Variants in ABCB4 observed in about 807,000 individuals in gnomAD.
ABCB4 encodes ATP binding cassette subfamily B member 4.
A neutral mutation model predicts 145.7 loss-of-function variants in ABCB4; 76 were observed. The ratio of observed to expected loss-of-function variants is 0.52; its 90% CI spans 0.43 to 0.63. The LOEUF is 0.63. Among genes scored for constraint, ABCB4 ranks in the 30% least tolerant of loss-of-function variants. The probability of loss-of-function intolerance (pLI) is 0.00; values close to 1 mark genes in which losing one functional copy is unlikely to be tolerated. For missense variants in ABCB4, 1,234 were observed against 1,553.1 expected (o/e 0.79, Z 3.45); for synonymous variants, 517 against 566.8 (o/e 0.91, Z 1.25).
Position 87,426,767 on chromosome 7 carries a change from C to T in ABCB4, c.2047G>A (p.Val683Met), listed in dbSNP as rs776616540. ...NSQMCQKSLD[V>M]ETDGLEANVP... ...CAACTTACAAGTCCATCGGTTTCCA[C>T]ATCAAGGCTCTTCTGACACATTTGT... is the stretch of plus-strand genomic sequence containing the variant. Residue 683 changes from valine to methionine, a missense_variant, in exon 16 of 28, where the codon GTG becomes ATG. Physicochemically the swap from Val to Met is conservative, Grantham distance 21 (BLOSUM62 1). Transcript: ENST00000649586. The T allele has an allele frequency of 5.9e-5, 95 of 1,613,858 alleles. No individual in the cohort carries two copies. The Admixed American group carries it at 1.5e-3, about 25-fold the overall frequency.
chr7:87,392,292 G>C, the ABCB4 span, among the ~76,000 whole-genome samples: 17 of 152,084 alleles, frequency 1.1e-4, no homozygotes, highest in South Asian at 3.1e-3. Flanking sequence ...TTGAAATATC[G>C]GTTGCTTTTA....
At chr7:87,457,920 A>G (rs976292003) in intron 4 of ABCB4, among the ~76,000 whole-genome samples, 1 of 152,204 alleles carries the variant, frequency 6.6e-6, no homozygotes, top group Non-Finnish European at 1.5e-5. Flanking sequence ...AAAGAGAGGT[A>G]TCCATCACCT....
At chr7:87,382,205 A>G in the ABCB4 span, 1 of 1,553,922 alleles carries the variant, frequency 6.4e-7, no homozygotes, top group Non-Finnish European at 8.8e-7. Flanking sequence ...TTTTCTCTTA[A>G]ATAATAATGA....
chr7:87,468,704 G>A (rs573700544), intron 3 of ABCB4, among the ~76,000 whole-genome samples: 8 of 152,116 alleles, frequency 5.3e-5, no homozygotes, highest in Admixed American at 6.5e-5. Context: ...AGGCTGAGGC[G>A]GGCGGATCAC....
chr7:87,447,066 A>G lies in ABCB4; in HGVS notation c.973T>C (p.Ser325Pro), dbSNP rs1328206536. 6.2e-7 allele frequency: 1 copy of G among 1,613,552 alleles called. No homozygotes were observed. Among genetic ancestry groups the G allele is most frequent in the East Asian group, 2.2e-5 (1 of 44,868 alleles). ...GCATTTCCAATAGTATATTCTTTTG[A>G]TATGACTAGAGTGGATCCATACCAG... ...AFWYGSTLVISKEYTIGNAMT... is the reference protein window; with the variant it reads ...AFWYGSTLVIPKEYTIGNAMT... Residue 325 changes from serine (S) to proline (P), a missense_variant, in exon 9 of 28, where the codon TCA becomes CCA. Transcript: ENST00000649586.
intron 2 of ABCB4, among the ~76,000 whole-genome samples, chr7:87,473,553 C>T (rs1454582418): frequency 6.6e-6 from 1 of 152,196 alleles, no homozygotes; most frequent in Non-Finnish European, 1.5e-5. Context: ...CTACCCTAAC[C>T]ACCCTACTTA....
intron 9 of ABCB4, among the ~76,000 whole-genome samples, 191 bp from the exon 10 acceptor site, chr7:87,445,166 A>C (rs1811263850): frequency 6.6e-6 from 1 of 152,142 alleles, no homozygotes; most frequent in South Asian, 2.1e-4. Context: ...TATTTTCTCA[A>C]ACTACCTATT....
intron 27 of ABCB4, 72 bp downstream of exon 27, chr7:87,403,063 T>C (rs773605663): frequency 5.2e-6 from 8 of 1,534,054 alleles, no homozygotes; most frequent in Non-Finnish European, 7.2e-6. Flanking sequence ...TGTGTGTTTT[T>C]TTCATGGTTG....
the ABCB4 span, among the ~76,000 whole-genome samples, chr7:87,373,546 A>T: frequency 5.0e-3 from 753 of 151,938 alleles, 18 homozygotes; most frequent in Admixed American, 0.039. Flanking sequence ...AGATCTTTTT[A>T]AAAAAAATTG....
rs1458045354 is a variant in ABCB4 at position 87,439,732 on chromosome 7, G to C, written c.1666C>G (p.Leu556Val). 1 of 1,614,164 alleles carries C rather than the reference G, an allele frequency of 6.2e-7. No individual in the cohort carries two copies. The highest frequency in any genetic ancestry group is 1.7e-5 in the Admixed American group (1 of 60,020). The change falls in exon 14 of 28, where the codon CTG becomes GTG. Residue 556 changes from leucine (L) to valine (V), a missense_variant. Around this residue, in one of 7 missense-constraint regions of ABCB4, gnomAD observed 467 missense variants for 632.8 expected, o/e 0.74. Transcript: ENST00000649586. ...TCCAATGCTGACGTGGCCTCATCCA[G>C]CAGAAGGATCTTGGGGTTGCGAACC... is the stretch of plus-strand genomic sequence containing the variant. The part of the protein sequence containing the change: ...ALVRNPKILL[L>V]DEATSALDTE...
At chr7:87,372,007 C>A in the ABCB4 span, among the ~76,000 whole-genome samples, 13,360 of 121,424 alleles carry the variant, frequency 0.11, 702 homozygotes, top group Non-Finnish European at 0.16. Context: ...AAAAAAAAAA[C>A]AAAAAAAAAA....
intron 18 of ABCB4, among the ~76,000 whole-genome samples, chr7:87,420,892 C>T (rs1454354700): frequency 6.6e-6 from 1 of 152,140 alleles, no homozygotes; most frequent in Non-Finnish European, 1.5e-5. Flanking sequence ...CAGTGTGTTC[C>T]TACTACTTCC....
At chr7:87,443,863 G>C in intron 10 of ABCB4, 90 bp from the exon 11 acceptor site, 2 of 925,116 alleles carry the variant, frequency 2.2e-6, no homozygotes, top group Non-Finnish European at 3.5e-6. Context: ...CCAAAAATAG[G>C]ACCTGGAATG....
chr7:87,398,017 A>C (rs1807598274), downstream of ABCB4, among the ~76,000 whole-genome samples: 2 of 152,018 alleles, frequency 1.3e-5, no homozygotes, highest in African/African-American at 4.8e-5. Flanking sequence ...TATCTCGAGA[A>C]AGATGGTGGA....
chr7:87,467,177 T>C (rs1410884495), intron 3 of ABCB4, among the ~76,000 whole-genome samples: 2 of 151,926 alleles, frequency 1.3e-5, no homozygotes, highest in Admixed American at 6.6e-5. Flanking sequence ...GAGACACACA[T>C]AGGCTCAAAA....
chr7:87,371,084 C>T, the ABCB4 span, among the ~76,000 whole-genome samples: 1 of 152,076 alleles, frequency 6.6e-6, no homozygotes, highest in African/African-American at 2.4e-5. Context: ...TGAATGAACT[C>T]CAGTTTATTA....
chr7:87,385,452 A>T, the ABCB4 span, among the ~76,000 whole-genome samples: 1 of 151,836 alleles, frequency 6.6e-6, no homozygotes, highest in Non-Finnish European at 1.5e-5. Context: ...CTTTGTAGCT[A>T]TTGTAAATGG....
intron 3 of ABCB4, among the ~76,000 whole-genome samples, chr7:87,469,756 A>G (rs1418156625): frequency 6.6e-6 from 1 of 152,170 alleles, no homozygotes; most frequent in Non-Finnish European, 1.5e-5. Context: ...ATGCTCATGG[A>G]TAGGAAGAAT....
the ABCB4 span, chr7:87,381,829 G>A: frequency 1.1e-6 from 1 of 912,540 alleles, no homozygotes; most frequent in Non-Finnish European, 1.7e-6. Context: ...GTTAAGAATG[G>A]ACACAAAGTG....
Sources: allele counts gnomAD v4.1 joint callset (sites outside exome capture counted in the v4.1 genomes callset), GRCh38; gene constraint gnomAD v4.1.1; regional missense constraint gnomAD v4.1.1; transcripts MANE v1.5; gene names NCBI Gene and HGNC (gene_info 2026-07-23, HGNC 2026-07-21).